Variants in XG observed in about 807,000 individuals in gnomAD.
XG encodes the protein glycoprotein Xg.
XG carries 24 observed loss-of-function variants against 25.7 expected under a neutral mutation model. The ratio of observed to expected loss-of-function variants is 0.93; its 90% CI spans 0.68 to 1.31. The LOEUF is 1.31. Ranked by LOEUF, XG falls within the 40% of genes most tolerant of loss-of-function variation. XG has a pLI of 0.00. For synonymous variants in XG, 77 were observed against 69.2 expected (o/e 1.11, Z -0.56); for missense variants, 181 against 187.6 (o/e 0.96, Z 0.21).
chrX:2,766,557 CTTTTTTTTTTTT>C (rs1177391752), intron 1 of XG, among the ~76,000 whole-genome samples: 4 of 90,176 alleles, frequency 4.4e-5, no homozygotes, highest in East Asian at 3.0e-4. Flanking sequence ...CTTATGGCCA[CTTTTTTTTTTTT>C]TTTTTTTTTT....
Position 2,806,699 on chromosome X carries a change from A to C in XG, c.374-2A>C. 1 of 1,146,134 alleles carries C rather than the reference A, an allele frequency of 8.7e-7. No homozygotes were observed. The highest frequency in any genetic ancestry group is 1.2e-6 in the Non-Finnish European group (1 of 857,112). 94.5% of individuals were successfully genotyped at this position (1,146,134 alleles called of 1,213,427 possible). A position where few individuals can be genotyped will look rare whatever the true frequency, so the allele number is the denominator to read the frequency against. On this transcript the variant is annotated splice_acceptor_variant, in intron 7 of 10. Coordinates refer to ENST00000644266, the MANE Select transcript of XG (RefSeq NM_001141919.2). LOFTEE classifies it high-confidence loss of function. ...TTTCATGGTCTCTTTTCTATCCTGC[A>C]GGAAGAGGGGGCTATAGACTCAACT...
intron 7 of XG, among the ~76,000 whole-genome samples, chrX:2,804,062 C>G (rs942487240): frequency 7.2e-5 from 8 of 111,775 alleles, no homozygotes; most frequent in African/African-American, 2.0e-4. Flanking sequence ...CGGCCGGTCT[C>G]GAACTCCTGA....
At chrX:2,765,246 C>T (rs1374244279) in intron 1 of XG, among the ~76,000 whole-genome samples, 1 of 149,352 alleles carries the variant, frequency 6.7e-6, no homozygotes, top group South Asian at 2.1e-4. Flanking sequence ...ACTCAGGAGG[C>T]TGAGGCAGGC....
chrX:2,754,846 C>T (rs2050401507), intron 1 of XG, among the ~76,000 whole-genome samples: 1 of 152,192 alleles, frequency 6.6e-6, no homozygotes. Flanking sequence ...CCTTCCAGTC[C>T]ACTGACTCAA....
At chrX:2,807,084 AATC>A (rs777465407) in intron 8 of XG, among the ~76,000 whole-genome samples, 4 of 112,688 alleles carry the variant, frequency 3.5e-5, no homozygotes, top group South Asian at 3.6e-4. Context: ...TGGATTTTGT[AATC>A]ATGTGCATAA....
At chrX:2,764,109 G>A (rs1221018034) in intron 1 of XG, among the ~76,000 whole-genome samples, 2 of 152,156 alleles carry the variant, frequency 1.3e-5, no homozygotes, top group African/African-American at 2.4e-5. Context: ...AGATGGCGAT[G>A]AGAGTGACCT....
intron 1 of XG, chrX:2,753,013 G>C: frequency 2.0e-6 from 2 of 982,680 alleles, no homozygotes; most frequent in Non-Finnish European, 2.4e-6. Flanking sequence ...AAGTTTCTTT[G>C]GTCATTTTCA....
chrX:2,768,629 G>A (rs191373558), intron 1 of XG, among the ~76,000 whole-genome samples: 86 of 152,290 alleles, frequency 5.6e-4, no homozygotes, highest in African/African-American at 2.0e-3. Context: ...TTAGCTGGGC[G>A]TGATGGCATG....
At chrX:2,805,601 T>C (rs1228386993) in intron 7 of XG, among the ~76,000 whole-genome samples, 5 of 108,897 alleles carry the variant, frequency 4.6e-5, no homozygotes, top group African/African-American at 1.7e-4. Context: ...TCTCTCACCG[T>C]CCTAGAGGCT....
In XG at chrX:2,815,766, A is replaced by G. The variant is rs977213128; in HGVS notation, c.*1386A>G. 15 of 107,752 alleles carry G rather than the reference A, an allele frequency of 1.4e-4. No homozygotes were observed. Among genetic ancestry groups the G allele is most frequent in the African/African-American group, 5.2e-4 (15 of 29,043 alleles). The allele number at this position is 107,752 out of a possible 1,213,427, so 8.9% of individuals were successfully genotyped here. On this transcript the variant is annotated 3_prime_UTR_variant, in exon 11 of 11. Coordinates refer to ENST00000644266, the MANE Select transcript of XG (RefSeq NM_001141919.2). ...CTATAAGAGTTTCAGCATGAGCTTA[A>G]TTAAATTCTTGTGAAAAAACCTGTG...
chrX:2,779,261 G>A (rs1402873660), intron 3 of XG, among the ~76,000 whole-genome samples: 3 of 150,288 alleles, frequency 2.0e-5, no homozygotes, highest in South Asian at 2.1e-4. Flanking sequence ...ACTTGAGCTC[G>A]AGAGGTGGAG....
intron 1 of XG, among the ~76,000 whole-genome samples, chrX:2,759,505 TC>T (rs1306752679): frequency 2.6e-5 from 4 of 152,158 alleles, no homozygotes; most frequent in African/African-American, 9.7e-5. Flanking sequence ...TAGGATCTTT[TC>T]CCCATAGGGC....
At chrX:2,788,602 C>T (rs1191459953) in intron 4 of XG, among the ~76,000 whole-genome samples, 11 of 111,478 alleles carry the variant, frequency 9.9e-5, no homozygotes, top group Non-Finnish European at 1.7e-4. Context: ...TGCGTGTAAT[C>T]CCAACACTTT....
rs182539091 is a variant in XG at position 2,764,172 on chromosome X, C to T, written c.62-6378C>T. ...CCAGCACCATGACAGTTTACAAATG[C>T]CACGGCAATGTCAGGAAGTTACCCT... On this transcript the variant is annotated intron_variant, in intron 1 of 10. Coordinates refer to ENST00000644266, the MANE Select transcript of XG (RefSeq NM_001141919.2). Among the ~76,000 whole-genome samples, 494 of 152,314 alleles carry T rather than the reference C, an allele frequency of 3.2e-3. 2 individuals carry two copies. The highest frequency in any genetic ancestry group is 0.011 in the African/African-American group (453 of 41,556).
intron 1 of XG, among the ~76,000 whole-genome samples, chrX:2,757,904 G>A (rs367736843): frequency 1.3e-4 from 19 of 148,148 alleles, no homozygotes; most frequent in African/African-American, 4.0e-4. Context: ...CCCAGGAGGC[G>A]GAGGTTGCAA....
chrX:2,797,287 A>G (rs1031285996), intron 6 of XG, 23 bp from the exon 7 acceptor site: 11 of 1,205,969 alleles, frequency 9.1e-6, no homozygotes, highest in South Asian at 7.1e-5. Context: ...ACATCCCTCA[A>G]CTCTACCTTC....
chrX:2,789,122 A>G (rs1257141305), intron 4 of XG, among the ~76,000 whole-genome samples: 1 of 110,590 alleles, frequency 9.0e-6, no homozygotes, highest in South Asian at 3.9e-4. Context: ...ACTGAGCTAC[A>G]TGGGTGGCTG....
intron 2 of XG, among the ~76,000 whole-genome samples, chrX:2,771,995 TGTG>T (rs1169948226): frequency 3.3e-5 from 5 of 152,124 alleles, no homozygotes. Flanking sequence ...TAGAGGCAGG[TGTG>T]TGGTTGCAAC....
intron 7 of XG, among the ~76,000 whole-genome samples, chrX:2,797,900 C>T (rs1316836559): frequency 2.7e-5 from 3 of 110,528 alleles, no homozygotes; most frequent in Non-Finnish European, 5.7e-5. Flanking sequence ...ATTAGCCAGG[C>T]GTGGTGGCAT....
Sources: gnomAD v4.1 joint callset for allele counts (sites outside exome capture counted in the v4.1 genomes callset) on GRCh38, gnomAD v4.1.1 for gene constraint, MANE v1.5 for transcripts, NCBI Gene and HGNC (gene_info 2026-07-23, HGNC 2026-07-21) for gene names.